TC2N: variants seen among roughly 807,000 people sequenced by gnomAD.
The protein encoded by TC2N is tandem C2 domains, nuclear.
TC2N carries 51 observed loss-of-function variants against 61.9 expected under a neutral mutation model. The ratio of observed to expected loss-of-function variants is 0.82; its 90% CI spans 0.66 to 1.04. The LOEUF (loss-of-function observed/expected upper bound fraction) is 1.04. TC2N is among the 50% of genes least tolerant of loss of function. The probability of loss-of-function intolerance (pLI) is 0.00; values close to 1 mark genes in which losing one functional copy is unlikely to be tolerated. For missense variants in TC2N, 556 were observed against 566.7 expected (o/e 0.98, Z 0.19); for synonymous variants, 204 against 192.6 (o/e 1.06, Z -0.49).
chr14:91,843,753 G>T (rs542808713), intron 1 of TC2N, among the ~76,000 whole-genome samples: 1 of 152,284 alleles, frequency 6.6e-6, no homozygotes, highest in African/African-American at 2.4e-5. Flanking sequence ...AATGTGGTTG[G>T]CAGATGAACC....
Position 91,785,227 on chromosome 14 carries a change from CT to C in TC2N, c.1296del (p.Glu433LysfsTer14). 1 of 1,613,424 alleles carries C rather than the reference CT, an allele frequency of 6.2e-7. No individual in the cohort carries two copies. On this transcript the variant is annotated frameshift_variant, in exon 11 of 12. Transcript: ENST00000435962. LOFTEE classifies it high-confidence loss of function. ...TAAAGCTTAATGAGAAAAACAATTTCTTTTTCACTCTGTATAAGTGGAAAAA... is the reference window on the plus strand; with the variant it reads ...TAAAGCTTAATGAGAAAAACAATTTCTTTTCACTCTGTATAAGTGGAAAAA... ...TMIFPLIQSE[K>X]EIVFLIKLYS...
chr14:91,793,728 C>T (rs1383522249), intron 8 of TC2N, among the ~76,000 whole-genome samples: 1 of 152,090 alleles, frequency 6.6e-6, no homozygotes, highest in Non-Finnish European at 1.5e-5. Context: ...CCAGCTGTTC[C>T]ATCTCTCTCC....
intron 3 of TC2N, among the ~76,000 whole-genome samples, chr14:91,803,380 T>TAC (rs57274606): frequency 0.18 from 25,563 of 145,378 alleles, 2,341 homozygotes; most frequent in Middle Eastern, 0.25. Flanking sequence ...CATACATATA[T>TAC]ACACACACAC....
intron 1 of TC2N, among the ~76,000 whole-genome samples, chr14:91,856,458 G>T (rs1888484172): frequency 6.7e-6 from 1 of 148,626 alleles, no homozygotes; most frequent in African/African-American, 2.5e-5. Context: ...TTGCACTCCA[G>T]CCTGGGTGAC....
chr14:91,848,489 G>A lies in TC2N; in HGVS notation c.-57+18773C>T, dbSNP rs556495154. Among the ~76,000 whole-genome samples, 7 of 152,278 alleles carry A rather than the reference G, an allele frequency of 4.6e-5. No individual in the cohort carries two copies. In the South Asian group the frequency reaches 6.2e-4, roughly 14 times the overall value. On this transcript the variant is annotated intron_variant, in intron 1 of 11. Coordinates refer to ENST00000435962, the MANE Select transcript of TC2N (RefSeq NM_001128596.3). ...TGTCTTACCTTCATCAGCCATCTGCGTATTTATTCCAGCTCCCTTGCAAGT... is the reference window on the plus strand; with the variant it reads ...TGTCTTACCTTCATCAGCCATCTGCATATTTATTCCAGCTCCCTTGCAAGT...
chr14:91,857,650 T>G (rs921552269), intron 1 of TC2N, among the ~76,000 whole-genome samples: 1 of 152,192 alleles, frequency 6.6e-6, no homozygotes, highest in African/African-American at 2.4e-5. Context: ...CACAAACTAG[T>G]AAGTGGCAGG....
chr14:91,805,770 G>A (rs962065867), intron 3 of TC2N, among the ~76,000 whole-genome samples: 2 of 152,266 alleles, frequency 1.3e-5, no homozygotes, highest in African/African-American at 4.8e-5. Context: ...TAAGGGTACA[G>A]CATTTATAAA....
chr14:91,813,653 AAATG>A, intron 2 of TC2N, 46 bp downstream of exon 2: 1 of 1,328,998 alleles, frequency 7.5e-7, no homozygotes, highest in Non-Finnish European at 1.1e-6. Flanking sequence ...AAAATGCCAC[AAATG>A]AAGAAGATGC....
At chr14:91,810,538 A>G (rs1182783858) in intron 3 of TC2N, among the ~76,000 whole-genome samples, 2 of 152,188 alleles carry the variant, frequency 1.3e-5, no homozygotes, top group Non-Finnish European at 2.9e-5. Flanking sequence ...ATATACAAAG[A>G]AACAGGAAAA....
chr14:91,866,135 T>G (rs1470375905), intron 1 of TC2N: 1 of 152,164 alleles, frequency 6.6e-6, no homozygotes, highest in Non-Finnish European at 1.5e-5. Context: ...GGAGAGTTCC[T>G]TTGTCAAGTC....
intron 1 of TC2N, among the ~76,000 whole-genome samples, chr14:91,830,690 G>A (rs1887723617): frequency 6.6e-6 from 1 of 151,942 alleles, no homozygotes; most frequent in Non-Finnish European, 1.5e-5. Flanking sequence ...CATTTTAAAG[G>A]GGTGAATTTT....
chr14:91,781,682 T>G lies in TC2N; in HGVS notation c.*1418A>C, dbSNP rs1285282489. Reference sequence around the variant, plus strand: ...ACCTATATGTCATTTTTTGCAAATCTAAAACAAAAATATTTCAAAATGTTC... The same window carrying G: ...ACCTATATGTCATTTTTTGCAAATCGAAAACAAAAATATTTCAAAATGTTC... On this transcript the variant is annotated 3_prime_UTR_variant, in exon 12 of 12. Transcript: ENST00000435962. 1 of 152,158 alleles carries G rather than the reference T, an allele frequency of 6.6e-6. No individual in the cohort carries two copies. The highest frequency in any genetic ancestry group is 1.5e-5 in the Non-Finnish European group (1 of 67,978). 9.4% of individuals were successfully genotyped at this position (152,158 alleles called of 1,614,324 possible).
chr14:91,824,536 C>T (rs145870208), intron 1 of TC2N, among the ~76,000 whole-genome samples: 2,701 of 152,318 alleles, frequency 0.018, 33 homozygotes, highest in Admixed American at 0.025. Context: ...TTGAGTCCTT[C>T]TGCTCCCAAA....
In TC2N at chr14:91,847,906, C is replaced by T. The variant is rs150502012; in HGVS notation, c.-57+19356G>A. Among the ~76,000 whole-genome samples, 307 of 152,338 alleles carry T rather than the reference C, an allele frequency of 2.0e-3. 2 individuals carry two copies. Among genetic ancestry groups the T allele is most frequent in the African/African-American group, 6.9e-3 (288 of 41,572 alleles). ...ATTTAGCATTGAGTGTTTTCCTTCC[C>T]TTTTCTCTGTTCTGCATTATGTAAG... is the stretch of plus-strand genomic sequence containing the variant. On this transcript the variant is annotated intron_variant, in intron 1 of 11. Coordinates refer to ENST00000435962, the MANE Select transcript of TC2N (RefSeq NM_001128596.3).
intron 1 of TC2N, among the ~76,000 whole-genome samples, chr14:91,824,158 A>G (rs1887388021): frequency 6.6e-6 from 1 of 152,152 alleles, no homozygotes; most frequent in African/African-American, 2.4e-5. Flanking sequence ...AAAAGACTTA[A>G]ATACTTCCAT....
intron 1 of TC2N, among the ~76,000 whole-genome samples, chr14:91,831,451 T>C (rs997175005): frequency 6.6e-6 from 1 of 152,118 alleles, no homozygotes; most frequent in African/African-American, 2.4e-5. Context: ...AAAAGAAGCA[T>C]GGGTGGATAA....
chr14:91,784,663 C>T (rs1885276790), intron 11 of TC2N, among the ~76,000 whole-genome samples: 1 of 151,970 alleles, frequency 6.6e-6, no homozygotes, highest in Non-Finnish European at 1.5e-5. Flanking sequence ...ACAAATTGTA[C>T]CAAGATTTTA....
At chr14:91,863,479 C>T (rs1043950609) in intron 1 of TC2N, among the ~76,000 whole-genome samples, 5 of 152,018 alleles carry the variant, frequency 3.3e-5, no homozygotes, top group Non-Finnish European at 1.5e-5. Context: ...AATTGTAAAT[C>T]GATATATGGA....
At chr14:91,798,925 C>G (rs936227557) in intron 6 of TC2N, 64 bp downstream of exon 6, 36 of 1,073,380 alleles carry the variant, frequency 3.4e-5, no homozygotes, top group Non-Finnish European at 4.7e-5. Flanking sequence ...TATACACTTT[C>G]AAGTTACTAC....
Sources: allele counts gnomAD v4.1 joint callset (sites outside exome capture counted in the v4.1 genomes callset), GRCh38; gene constraint gnomAD v4.1.1; transcripts MANE v1.5; gene names NCBI Gene and HGNC (gene_info 2026-07-23, HGNC 2026-07-21).